The following THEMIS variants were observed in gnomAD, a reference collection of about 807,000 sequenced individuals.
The protein encoded by THEMIS is protein THEMIS.
Under a neutral mutation model 52.6 loss-of-function variants are expected in THEMIS, and 37 were observed. The ratio of observed to expected loss-of-function variants is 0.70; its 90% CI spans 0.54 to 0.93. The LOEUF is 0.93. Ranked by LOEUF, THEMIS falls within the 40% of genes least tolerant of loss-of-function variation. The pLI is 0.00. For missense variants in THEMIS, 808 were observed against 763.1 expected (o/e 1.06, Z -0.69); for synonymous variants, 292 against 272.7 (o/e 1.07, Z -0.70).
At chr6:127,773,065 AC>A (rs1165213279) in intron 4 of THEMIS, among the ~76,000 whole-genome samples, 5 of 152,208 alleles carry the variant, frequency 3.3e-5, no homozygotes, top group Non-Finnish European at 7.4e-5. Context: ...CATCTAAGTA[AC>A]TTTTTGCATG....
At chr6:127,851,934 A>G (rs1425275676) in intron 2 of THEMIS, among the ~76,000 whole-genome samples, 1 of 151,670 alleles carries the variant, frequency 6.6e-6, no homozygotes, top group Non-Finnish European at 1.5e-5. Context: ...TCAAAATTTG[A>G]TGTATGCTTT....
intron 4 of THEMIS, among the ~76,000 whole-genome samples, chr6:127,734,592 C>T (rs916467423): frequency 2.0e-5 from 3 of 151,840 alleles, no homozygotes; most frequent in Admixed American, 1.3e-4. Flanking sequence ...AAATGGAGGC[C>T]GAGCGCTGTG....
intron 4 of THEMIS, among the ~76,000 whole-genome samples, chr6:127,734,550 A>G (rs1274545183): frequency 1.3e-5 from 2 of 152,048 alleles, no homozygotes; most frequent in African/African-American, 2.4e-5. Context: ...CAAGACAATA[A>G]TTTGCTTGTG....
chr6:127,819,118 TAAAAAAAAAAAAAAAAAA>T (rs142123167), intron 3 of THEMIS, among the ~76,000 whole-genome samples: 6 of 19,472 alleles, frequency 3.1e-4, no homozygotes, highest in African/African-American at 1.0e-3. Flanking sequence ...AGACTCTGTC[TAAAAAAAAAAAAAAAAAA>T]AAAAAAAAAA....
intron 4 of THEMIS, among the ~76,000 whole-genome samples, chr6:127,798,146 CAA>C (rs1475594264): frequency 1.3e-5 from 2 of 152,114 alleles, no homozygotes; most frequent in Non-Finnish European, 2.9e-5. Context: ...ATTGACAGTA[CAA>C]AATATTAATA....
chr6:127,866,297 C>T (rs1779973636), intron 1 of THEMIS, among the ~76,000 whole-genome samples: 1 of 151,936 alleles, frequency 6.6e-6, no homozygotes, highest in Non-Finnish European at 1.5e-5. Flanking sequence ...TCAGTATAAG[C>T]TAGCTACATA....
chr6:127,750,363 T>G (rs1277254969), intron 4 of THEMIS, among the ~76,000 whole-genome samples: 1 of 151,712 alleles, frequency 6.6e-6, no homozygotes, highest in East Asian at 1.9e-4. Context: ...TGTCCCCTCA[T>G]GTAGACATTA....
intron 2 of THEMIS, among the ~76,000 whole-genome samples, chr6:127,845,826 TA>T (rs35207825): frequency 2.0e-5 from 3 of 151,794 alleles, no homozygotes; most frequent in Admixed American, 6.6e-5. Context: ...GAGATTTCCA[TA>T]AAAAAAATTG....
At chr6:127,719,562 C>T in intron 5 of THEMIS, 126 bp downstream of exon 5, 1 of 742,222 alleles carries the variant, frequency 1.3e-6, no homozygotes. Flanking sequence ...ATTGGCAGAG[C>T]AGGGTGATCA....
chr6:127,766,230 A>G (rs1016670178), intron 4 of THEMIS, among the ~76,000 whole-genome samples: 1 of 152,126 alleles, frequency 6.6e-6, no homozygotes, highest in Non-Finnish European at 1.5e-5. Context: ...AGCTGCTTAT[A>G]TCTTTACATC....
chr6:127,701,711 GA>G, the THEMIS span, among the ~76,000 whole-genome samples: 31 of 151,732 alleles, frequency 2.0e-4, no homozygotes, highest in African/African-American at 7.3e-4. Context: ...TTCATTTTTT[GA>G]AAAAAACTTT....
chr6:127,786,689 C>G (rs1776959130), intron 4 of THEMIS, among the ~76,000 whole-genome samples: 1 of 152,078 alleles, frequency 6.6e-6, no homozygotes, highest in African/African-American at 2.4e-5. Context: ...TTAGAAATGG[C>G]AGGCTAAGGA....
chr6:127,714,033 A>T (rs1019123042), intron 5 of THEMIS, among the ~76,000 whole-genome samples: 2 of 152,004 alleles, frequency 1.3e-5, no homozygotes, highest in South Asian at 2.1e-4. Flanking sequence ...TGGAAAAAAA[A>T]ATGGGCATAT....
chr6:127,724,706 T>A (rs1182542579), intron 4 of THEMIS, among the ~76,000 whole-genome samples: 1 of 152,114 alleles, frequency 6.6e-6, no homozygotes, highest in African/African-American at 2.4e-5. Context: ...TTTATGTTAT[T>A]CTTGGCTTGT....
At chr6:127,889,855 ATCTAAT>A (rs1308480068) in intron 1 of THEMIS, among the ~76,000 whole-genome samples, 2 of 152,110 alleles carry the variant, frequency 1.3e-5, no homozygotes, top group Non-Finnish European at 2.9e-5. Flanking sequence ...AATTGTTATA[ATCTAAT>A]TCTATCTATA....
chr6:127,842,744 T>G (rs1779090847), intron 2 of THEMIS, among the ~76,000 whole-genome samples: 1 of 151,956 alleles, frequency 6.6e-6, no homozygotes, highest in African/African-American at 2.4e-5. Flanking sequence ...AATATAATTT[T>G]TCTTGGAGGG....
At chr6:127,812,038 T>G (rs1016122322) in intron 4 of THEMIS, among the ~76,000 whole-genome samples, 1 of 152,204 alleles carries the variant, frequency 6.6e-6, no homozygotes, top group Non-Finnish European at 1.5e-5. Flanking sequence ...CCTCTCTTTG[T>G]TTTACTAATT....
chr6:127,804,565 G>T (rs1777638455), intron 4 of THEMIS, among the ~76,000 whole-genome samples: 1 of 152,150 alleles, frequency 6.6e-6, no homozygotes, highest in African/African-American at 2.4e-5. Context: ...CTGGATCATA[G>T]ACCTTTGGAT....
chr6:127,715,999 A>C (rs909458362), intron 5 of THEMIS, among the ~76,000 whole-genome samples: 16 of 151,970 alleles, frequency 1.1e-4, no homozygotes, highest in African/African-American at 3.4e-4. Flanking sequence ...TTCATTTTCT[A>C]GCCCAGGGTT....
Sources: allele counts gnomAD v4.1 joint callset (sites outside exome capture counted in the v4.1 genomes callset), GRCh38; gene constraint gnomAD v4.1.1; transcripts MANE v1.5; gene names NCBI Gene and HGNC (gene_info 2026-07-23, HGNC 2026-07-21).